NRP2: variants seen among roughly 807,000 people sequenced by gnomAD.
NRP2 encodes neuropilin 2.
Under a neutral mutation model 110.4 loss-of-function variants are expected in NRP2, and 52 were observed. The ratio of observed to expected loss-of-function variants is 0.47; its 90% CI spans 0.38 to 0.59. The LOEUF is 0.59. Among genes scored for constraint, NRP2 ranks in the 20% least tolerant of loss-of-function variants. The pLI is 0.00. For synonymous variants in NRP2, 508 were observed against 468.9 expected (o/e 1.08, Z -1.08); for missense variants, 1,049 against 1,203.0 (o/e 0.87, Z 1.89).
chr2:205,704,525 C>T (rs986359139), intron 2 of NRP2, among the ~76,000 whole-genome samples: 17 of 152,188 alleles, frequency 1.1e-4, no homozygotes, highest in East Asian at 3.8e-4. Flanking sequence ...ACGTGGTGGA[C>T]GAATGGGAGC....
chr2:205,761,967 A>G (rs2057829726), intron 12 of NRP2: 1 of 152,270 alleles, frequency 6.6e-6, no homozygotes, highest in Non-Finnish European at 1.5e-5. Context: ...AATTATTATC[A>G]TTAACAGCAG....
rs750463349 is a variant in NRP2, at chr2:205,716,422, G to A, written c.433+48G>A. ...GCCGGGAGATGGGCGTCTTAGAGAA[G>A]AAGGAGGGACAGCACCCAGTGGGCT... On this transcript the variant is annotated intron_variant, in intron 3 of 16. Transcript: ENST00000357785. The A allele has an allele frequency of 3.1e-6, 5 of 1,602,714 alleles. No individual in the cohort carries two copies. The South Asian group carries it at 4.4e-5, about 14-fold the overall frequency.
At chr2:205,690,935 C>A (rs2056301555) in intron 1 of NRP2, among the ~76,000 whole-genome samples, 1 of 152,170 alleles carries the variant, frequency 6.6e-6, no homozygotes, top group Admixed American at 6.5e-5. Context: ...TTCAAACTCT[C>A]AATTCACCAC....
intron 12 of NRP2, among the ~76,000 whole-genome samples, chr2:205,753,215 A>G (rs1207329957): frequency 6.6e-6 from 1 of 152,216 alleles, no homozygotes; most frequent in Non-Finnish European, 1.5e-5. Flanking sequence ...AGCGGAAGCC[A>G]AGATAGAAGA....
chr2:205,764,938 AGG>A (rs1162922093), intron 13 of NRP2, among the ~76,000 whole-genome samples: 25 of 152,232 alleles, frequency 1.6e-4, no homozygotes, highest in African/African-American at 6.0e-4. Flanking sequence ...AGGGCATAGT[AGG>A]TGCTCAGTAA....
At chr2:205,733,601 G>A (rs1170614268) in intron 7 of NRP2, among the ~76,000 whole-genome samples, 1 of 152,130 alleles carries the variant, frequency 6.6e-6, no homozygotes, top group Non-Finnish European at 1.5e-5. Flanking sequence ...CCCCACCTGG[G>A]AGTTAAAGGC....
chr2:205,700,656 C>T (rs1420015845), intron 2 of NRP2: 1 of 515,664 alleles, frequency 1.9e-6, no homozygotes. Flanking sequence ...GAGTAAACCC[C>T]AGATAGACCT....
chr2:205,690,152 T>C (rs1023610758), intron 1 of NRP2, among the ~76,000 whole-genome samples: 1 of 152,182 alleles, frequency 6.6e-6, no homozygotes, highest in Non-Finnish European at 1.5e-5. Context: ...TGCAAATTAC[T>C]AGACCGAATG....
In NRP2 at chr2:205,725,054, A is replaced by G. The variant is rs1470739008; in HGVS notation, c.821-859A>G. 2.0e-5 allele frequency among the ~76,000 whole-genome samples: 3 copies of G among 152,176 alleles called. No homozygotes were observed. Among genetic ancestry groups the G allele is most frequent in the African/African-American group, 7.2e-5 (3 of 41,436 alleles). ...CCTGATTGCAGACAACTCACCATAT[A>G]TATAACTACAGACACGGCAGCCTGG... On this transcript the variant is annotated intron_variant, in intron 5 of 16. Transcript: ENST00000357785. This position sits in a 1 kb window ranked among gnomAD's most constrained non-coding sequence, Gnocchi z 4.1.
intron 10 of NRP2, 148 bp downstream of exon 10, chr2:205,746,038 C>T: frequency 1.2e-6 from 1 of 849,680 alleles, no homozygotes; most frequent in Non-Finnish European, 1.9e-6. Context: ...CTGCCTCAGA[C>T]CACGGGTACT....
At chr2:205,692,130 G>A (rs1200257488) in intron 1 of NRP2, among the ~76,000 whole-genome samples, 2 of 152,120 alleles carry the variant, frequency 1.3e-5, no homozygotes, top group African/African-American at 2.4e-5. Context: ...CCTCCTAGAT[G>A]GCCCTTTTAT....
At chr2:205,793,790 T>A (rs2058326350) in intron 16 of NRP2, among the ~76,000 whole-genome samples, 1 of 152,000 alleles carries the variant, frequency 6.6e-6, no homozygotes, top group African/African-American at 2.4e-5. Context: ...CCAAATAAGG[T>A]GGTGAGGGTT....
chr2:205,740,787 C>T, intron 8 of NRP2, 124 bp downstream of exon 8: 2 of 1,043,578 alleles, frequency 1.9e-6, no homozygotes, highest in Non-Finnish European at 2.8e-6. Flanking sequence ...CTCAAGGACT[C>T]AAGTCCTACC....
chr2:205,691,609 G>A (rs903291013), intron 1 of NRP2, among the ~76,000 whole-genome samples: 2 of 152,172 alleles, frequency 1.3e-5, no homozygotes, highest in Non-Finnish European at 2.9e-5. Context: ...AATAAATGAA[G>A]ACAATATTAT....
rs1429158809 is a variant in NRP2 at position 205,686,132 on chromosome 2, T to A, written c.73+2769T>A. ...AGAGCCCAGCGATCCATAAACATTCTATTAAGCAAAAATATTCCCAGCGAA... is the reference window on the plus strand; with the variant it reads ...AGAGCCCAGCGATCCATAAACATTCAATTAAGCAAAAATATTCCCAGCGAA... On this transcript the variant is annotated intron_variant, in intron 1 of 16. Coordinates refer to ENST00000357785, the MANE Select transcript of NRP2 (RefSeq NM_003872.3). The surrounding 1 kb of genome is among the most constrained non-coding windows in gnomAD (Gnocchi z 4.7). Among the ~76,000 whole-genome samples the A allele has an allele frequency of 6.6e-6, 1 of 151,792 alleles. No individual in the cohort carries two copies. The highest frequency in any genetic ancestry group is 6.6e-5 in the Admixed American group (1 of 15,266).
rs532583161 is a variant in NRP2 at position 205,686,614 on chromosome 2, G to T, written c.73+3251G>T. ...GCCGGTAGCCCTAGTGTTTGGAGGTGGGGGAGGGATTTGGAATAGACTTGT... is the reference window on the plus strand; with the variant it reads ...GCCGGTAGCCCTAGTGTTTGGAGGTTGGGGAGGGATTTGGAATAGACTTGT... On this transcript the variant is annotated intron_variant, in intron 1 of 16. Coordinates refer to ENST00000357785, the MANE Select transcript of NRP2 (RefSeq NM_003872.3). This position sits in a 1 kb window ranked among gnomAD's most constrained non-coding sequence, Gnocchi z 4.7. Among the ~76,000 whole-genome samples the T allele has an allele frequency of 2.0e-5, 3 of 152,196 alleles. No individual in the cohort carries two copies. The highest frequency in any genetic ancestry group is 4.1e-4 in the South Asian group (2 of 4,834).
intron 1 of NRP2, among the ~76,000 whole-genome samples, chr2:205,693,916 T>C (rs2056366904): frequency 6.6e-6 from 1 of 152,260 alleles, no homozygotes; most frequent in Non-Finnish European, 1.5e-5. Flanking sequence ...TTAGCAAATA[T>C]TATTGTCAAG....
At chr2:205,776,293 A>G in intron 15 of NRP2, 1 of 1,613,252 alleles carries the variant, frequency 6.2e-7, no homozygotes, top group Non-Finnish European at 8.5e-7. Context: ...CACGGTGCCC[A>G]TGCAGCCCAT....
rs902527283 is a variant in NRP2, at chr2:205,682,921, AATTATT to A, written c.-361_-356del. The stretch of plus-strand genomic sequence containing the variant: ...GATGCCCAAGGCAAGTCTTGGTTTT[AATTATT>A]ATTATTATCATTATTGTTACGCTTG... On this transcript the variant is annotated 5_prime_UTR_variant, in exon 1 of 17. Transcript: ENST00000357785. This position sits in a 1 kb window ranked among gnomAD's most constrained non-coding sequence, Gnocchi z 4.3. 4.0e-5 allele frequency: 9 copies of A among 227,498 alleles called. No homozygotes were observed. The highest frequency in any genetic ancestry group is 2.1e-4 in the African/African-American group (9 of 43,278). The allele number at this position is 227,498 out of a possible 1,614,324, so 14.1% of individuals were successfully genotyped here. A position where few individuals can be genotyped will look rare whatever the true frequency, so the allele number is the denominator to read the frequency against.
Sources: allele counts gnomAD v4.1 joint callset (sites outside exome capture counted in the v4.1 genomes callset), GRCh38; gene constraint gnomAD v4.1.1; non-coding constraint Gnocchi (gnomAD v3.1); transcripts MANE v1.5; gene names NCBI Gene and HGNC (gene_info 2026-07-23, HGNC 2026-07-21).